The following ANKRD33B variants were observed in gnomAD, a reference collection of about 807,000 sequenced individuals.
The protein encoded by ANKRD33B is ankyrin repeat domain-containing protein 33B.
A neutral mutation model predicts 21.5 loss-of-function variants in ANKRD33B; 6 were observed. The ratio of observed to expected loss-of-function variants is 0.28; its 90% CI spans 0.15 to 0.55. ANKRD33B has a LOEUF of 0.55. Among genes scored for constraint, ANKRD33B ranks in the 20% least tolerant of loss-of-function variants. ANKRD33B has a pLI of 0.94. For missense variants in ANKRD33B, 698 were observed against 747.2 expected (o/e 0.93, Z 0.77); for synonymous variants, 347 against 342.4 (o/e 1.01, Z -0.15).
chr5:10,599,994 A>G (rs1455301987), intron 1 of ANKRD33B, among the ~76,000 whole-genome samples: 6 of 152,262 alleles, frequency 3.9e-5, no homozygotes, highest in Admixed American at 2.6e-4. Context: ...CCAAACAAAC[A>G]CTTGTTATTT....
At position 10,623,129 on chromosome 5, in the gene ANKRD33B, A is replaced by C. The variant is rs182621444; in HGVS notation, c.496+4667A>C. ...CCCACCCTTTGCCTGGTGGGACCTC[A>C]GGGGGAAGGTGGCCTCGGGAGCTTA... is the stretch of plus-strand genomic sequence containing the variant. On this transcript the variant is annotated intron_variant, in intron 2 of 3. Coordinates refer to ENST00000296657, the MANE Select transcript of ANKRD33B (RefSeq NM_001164440.2). 2.4e-4 allele frequency among the ~76,000 whole-genome samples: 37 copies of C among 152,266 alleles called. No individual in the cohort carries two copies. The East Asian group carries it at 5.4e-3, about 22-fold the overall frequency.
intron 2 of ANKRD33B, among the ~76,000 whole-genome samples, chr5:10,629,792 G>A (rs1736663327): frequency 6.6e-6 from 1 of 152,190 alleles, no homozygotes. Context: ...CGGAAAATCA[G>A]AAGGGTGAGC....
chr5:10,648,076 G>A (rs758028325), intron 3 of ANKRD33B, among the ~76,000 whole-genome samples: 2 of 152,286 alleles, frequency 1.3e-5, no homozygotes, highest in Non-Finnish European at 2.9e-5. Flanking sequence ...CCCTCTCTCT[G>A]TTACTAGCCC....
intron 1 of ANKRD33B, among the ~76,000 whole-genome samples, chr5:10,586,241 C>T (rs1735557172): frequency 6.6e-6 from 1 of 152,116 alleles, no homozygotes; most frequent in Non-Finnish European, 1.5e-5. Flanking sequence ...TGTGGAGCCC[C>T]TGTATACAGA....
chr5:10,575,814 A>T (rs926664125), intron 1 of ANKRD33B, among the ~76,000 whole-genome samples: 1 of 152,028 alleles, frequency 6.6e-6, no homozygotes, highest in Non-Finnish European at 1.5e-5. Context: ...CGTTGTGGAG[A>T]TGGAGAACTG....
chr5:10,649,979 G>A lies in ANKRD33B; in HGVS notation c.1351G>A (p.Gly451Ser), dbSNP rs1467727936. 69 of 1,533,344 alleles carry A rather than the reference G, an allele frequency of 4.5e-5. No homozygotes were observed. Among genetic ancestry groups the A allele is most frequent in the Non-Finnish European group, 5.1e-5 (58 of 1,144,882 alleles). The allele number at this position is 1,533,344 out of a possible 1,614,324, so 95.0% of individuals were successfully genotyped here. ...PARKGSTKDS[G>S]HLQIPKWRYK... is the part of the protein sequence containing the mutation. ...GCGGAAGGGCAGCACCAAGGACAGC[G>A]GCCACCTGCAGATCCCCAAGTGGCG... The change falls in exon 4 of 4, where the codon GGC (glycine) becomes AGC (serine). Residue 451 changes from glycine to serine, a missense_variant. Gly to Ser is a moderately conservative substitution (Grantham distance 56). Coordinates refer to ENST00000296657, the MANE Select transcript of ANKRD33B (RefSeq NM_001164440.2).
intron 2 of ANKRD33B, among the ~76,000 whole-genome samples, chr5:10,635,567 C>A (rs1736838391): frequency 6.6e-6 from 1 of 152,220 alleles, no homozygotes; most frequent in South Asian, 2.1e-4. Context: ...GCTTCCTTTT[C>A]AAAAAGATAC....
intron 1 of ANKRD33B, among the ~76,000 whole-genome samples, chr5:10,572,864 G>C (rs1007257550): frequency 6.6e-6 from 1 of 152,174 alleles, no homozygotes; most frequent in African/African-American, 2.4e-5. Flanking sequence ...CTAATTCAAG[G>C]GCCAGGTAAG....
chr5:10,627,400 A>G lies in ANKRD33B; in HGVS notation c.496+8938A>G, dbSNP rs373925168. 9.2e-5 allele frequency: 14 copies of G among 152,308 alleles called. No individual in the cohort carries two copies. In the East Asian group the frequency reaches 2.3e-3, roughly 25 times the overall value. The allele number at this position is 152,308 out of a possible 1,614,324, so 9.4% of individuals were successfully genotyped here. A position where few individuals can be genotyped will look rare whatever the true frequency, so the allele number is the denominator to read the frequency against. ...GTGAAGCTTGTTTTGGGTATAAGGA[A>G]CCTCTGATGTGTGCTTGCAACTTGT... On this transcript the variant is annotated intron_variant, in intron 2 of 3. Transcript: ENST00000296657.
At chr5:10,587,364 G>T (rs1203868534) in intron 1 of ANKRD33B, among the ~76,000 whole-genome samples, 1 of 152,102 alleles carries the variant, frequency 6.6e-6, no homozygotes, top group Non-Finnish European at 1.5e-5. Flanking sequence ...GCTTCCCAAA[G>T]TGCTGGGATT....
chr5:10,582,288 A>G (rs1735459610), intron 1 of ANKRD33B, among the ~76,000 whole-genome samples: 1 of 152,196 alleles, frequency 6.6e-6, no homozygotes, highest in Non-Finnish European at 1.5e-5. Context: ...GGGGCTGCAA[A>G]GTACGGAGCT....
chr5:10,624,344 G>A (rs1414014208), intron 2 of ANKRD33B, among the ~76,000 whole-genome samples: 2 of 152,012 alleles, frequency 1.3e-5, no homozygotes, highest in South Asian at 2.1e-4. Context: ...AGGCCAGACT[G>A]GTTTTGAACT....
chr5:10,598,495 G>A (rs1735864336), intron 1 of ANKRD33B, among the ~76,000 whole-genome samples: 1 of 152,194 alleles, frequency 6.6e-6, no homozygotes, highest in Non-Finnish European at 1.5e-5. Context: ...TCGAACACCT[G>A]ACCTCAGATC....
chr5:10,582,676 G>T (rs11738256), intron 1 of ANKRD33B, among the ~76,000 whole-genome samples: 9,717 of 152,282 alleles, frequency 0.064, 406 homozygotes, highest in Middle Eastern at 0.099. Flanking sequence ...CCTGCTCCCT[G>T]TTCCGCCATG....
intron 3 of ANKRD33B, among the ~76,000 whole-genome samples, chr5:10,639,609 A>G (rs1376878917): frequency 4.1e-5 from 2 of 48,620 alleles, no homozygotes. Flanking sequence ...GGTGACGCGG[A>G]GTTGCGCGGC....
At chr5:10,646,592 CTCTT>C (rs1047577203) in intron 3 of ANKRD33B, among the ~76,000 whole-genome samples, 41 of 152,328 alleles carry the variant, frequency 2.7e-4, no homozygotes, top group African/African-American at 8.2e-4. Context: ...TGAAAAATGT[CTCTT>C]TCAGGCAGTG....
chr5:10,592,311 G>A (rs1735711862), intron 1 of ANKRD33B, among the ~76,000 whole-genome samples: 1 of 151,980 alleles, frequency 6.6e-6, no homozygotes, highest in Non-Finnish European at 1.5e-5. Context: ...GCATATATGT[G>A]ATAGAAAATA....
intron 2 of ANKRD33B, among the ~76,000 whole-genome samples, chr5:10,635,239 A>G (rs1472780987): frequency 1.3e-5 from 2 of 152,214 alleles, no homozygotes; most frequent in East Asian, 3.9e-4. Context: ...AATGGCTCCA[A>G]AGGAATTGCA....
In ANKRD33B at chr5:10,626,387, A is replaced by G. The variant is rs148608966; in HGVS notation, c.496+7925A>G. 7.4e-3 allele frequency among the ~76,000 whole-genome samples: 1,129 copies of G among 152,326 alleles called. 7 individuals carry two copies. Among genetic ancestry groups the G allele is most frequent in the Middle Eastern group, 0.02 (6 of 294 alleles). On this transcript the variant is annotated intron_variant, in intron 2 of 3. Transcript: ENST00000296657. ...GATTTCTCCTTTCCCCTGAGTGTCC[A>G]AGAGTGTTCTTGCAAGCCCTGGCTG...
Sources: gnomAD v4.1 joint callset for allele counts (sites outside exome capture counted in the v4.1 genomes callset) on GRCh38, gnomAD v4.1.1 for gene constraint, MANE v1.5 for transcripts, NCBI Gene and HGNC (gene_info 2026-07-23, HGNC 2026-07-21) for gene names.